The following PTPRE variants were observed in gnomAD, a reference collection of about 807,000 sequenced individuals.
PTPRE encodes protein tyrosine phosphatase receptor type E.
In PTPRE, 51 loss-of-function variants were observed where a neutral mutation model predicts 102.0. The observed-to-expected ratio is 0.50, with a 90% CI of 0.40 to 0.63. PTPRE has a LOEUF of 0.63. Ranked by LOEUF, PTPRE falls within the 30% of genes least tolerant of loss-of-function variation. PTPRE has a pLI of 0.00. For synonymous variants in PTPRE, 345 were observed against 348.2 expected (o/e 0.99, Z 0.10); for missense variants, 752 against 915.1 (o/e 0.82, Z 2.30).
chr10:128,013,051 T>C (rs1845143100), intron 2 of PTPRE, among the ~76,000 whole-genome samples: 1 of 152,196 alleles, frequency 6.6e-6, no homozygotes, highest in Non-Finnish European at 1.5e-5. Flanking sequence ...TGGCATGAAT[T>C]TTCTATTAAA....
intron 12 of PTPRE, chr10:128,069,345 T>C (rs1255028557): frequency 4.9e-6 from 1 of 204,104 alleles, no homozygotes. Flanking sequence ...TGATCTGAGG[T>C]CCCTCTGCTC....
At chr10:128,074,726 T>C (rs1257115475) in intron 17 of PTPRE, among the ~76,000 whole-genome samples, 1 of 152,212 alleles carries the variant, frequency 6.6e-6, no homozygotes, top group Non-Finnish European at 1.5e-5. Flanking sequence ...GACATGCTTT[T>C]TCACTTCCCT....
chr10:127,916,416 A>G (rs1846211849), intron 1 of PTPRE, among the ~76,000 whole-genome samples: 1 of 152,116 alleles, frequency 6.6e-6, no homozygotes, highest in African/African-American at 2.4e-5. Flanking sequence ...TTCCCCTTCC[A>G]CCATGATTGT....
intron 2 of PTPRE, among the ~76,000 whole-genome samples, chr10:128,005,561 G>A (rs937698018): frequency 2.6e-5 from 4 of 152,182 alleles, no homozygotes; most frequent in African/African-American, 9.7e-5. Context: ...TGAAAAAATG[G>A]GTGAGTGATA....
intron 1 of PTPRE, among the ~76,000 whole-genome samples, chr10:127,959,129 C>A (rs543201124): frequency 4.1e-4 from 63 of 152,356 alleles, no homozygotes; most frequent in Non-Finnish European, 7.8e-4. Flanking sequence ...CTCCCAACCT[C>A]AAGTGATCCG....
At chr10:127,980,544 G>A (rs1168385785) in intron 1 of PTPRE, among the ~76,000 whole-genome samples, 8 of 152,190 alleles carry the variant, frequency 5.3e-5, no homozygotes, top group Admixed American at 5.2e-4. Context: ...CCAGGATAAT[G>A]TTAAATAGGA....
rs549000211 is a variant in PTPRE, at chr10:128,024,496, T to C, written c.-7-16379T>C. Among the ~76,000 whole-genome samples the C allele has an allele frequency of 5.9e-5, 9 of 152,322 alleles. 1 individual carries two copies. The South Asian group carries it at 1.9e-3, about 32-fold the overall frequency. On this transcript the variant is annotated intron_variant, in intron 2 of 20. Coordinates refer to ENST00000254667, the MANE Select transcript of PTPRE (RefSeq NM_006504.6). ...TAGACTTAATTCTCACAGGATAAGCTCTTTACTTTTTATTCATTTTCAAGA... is the reference window on the plus strand; with the variant it reads ...TAGACTTAATTCTCACAGGATAAGCCCTTTACTTTTTATTCATTTTCAAGA...
intron 2 of PTPRE, among the ~76,000 whole-genome samples, chr10:127,983,744 T>C (rs866770575): frequency 6.6e-6 from 1 of 152,168 alleles, no homozygotes; most frequent in Non-Finnish European, 1.5e-5. Flanking sequence ...CACTCAGTAC[T>C]GGCCCCTCCG....
chr10:128,061,159 G>A (rs4431936), intron 8 of PTPRE, 144 bp downstream of exon 8: 535,254 of 671,032 alleles, frequency 0.8, 214,864 homozygotes, highest in African/African-American at 0.88. Flanking sequence ...AACTGCCCGT[G>A]CTTTACACAC....
rs747321953 is a variant in PTPRE at position 128,047,423 on chromosome 10, T to G, written c.143T>G (p.Leu48Arg). The change falls in exon 4 of 21, where the codon CTG becomes CGG. Residue 48 changes from leucine to arginine, a missense_variant. Physicochemically the swap from Leu to Arg is moderately radical, Grantham distance 102. Transcript: ENST00000254667. ...PPDPGASQPL[L>R]AWLLLPLLLL... is the part of the protein sequence containing the mutation. ...GACCCGGGCGCCTCCCAGCCGCTGC[T>G]GGCCTGGCTGCTACTGCCGCTGCTG... is the stretch of plus-strand genomic sequence containing the variant. 1.9e-6 allele frequency: 3 copies of G among 1,613,224 alleles called. No individual in the cohort carries two copies. Among genetic ancestry groups the G allele is most frequent in the Middle Eastern group, 1.7e-4 (1 of 5,748 alleles).
intron 1 of PTPRE, among the ~76,000 whole-genome samples, chr10:127,932,782 C>T (rs1378879601): frequency 2.0e-5 from 3 of 146,996 alleles, no homozygotes; most frequent in African/African-American, 5.1e-5. Context: ...TCTCACTTGA[C>T]GAAGTTGACG....
At chr10:127,959,213 T>C (rs1849623168) in intron 1 of PTPRE, among the ~76,000 whole-genome samples, 1 of 152,240 alleles carries the variant, frequency 6.6e-6, no homozygotes, top group Non-Finnish European at 1.5e-5. Context: ...CCTATTTTCT[T>C]TTTTTAAACA....
rs747594108 is a variant in PTPRE at position 128,073,445 on chromosome 10, C to G, written c.1573C>G (p.Leu525Val). Residue 525 changes from leucine (L) to valine (V), a missense_variant, in exon 17 of 21, where the codon CTG becomes GTG. Leu to Val is a conservative substitution (Grantham distance 32). Around this residue, in one of 2 missense-constraint regions of PTPRE, gnomAD observed 636 missense variants for 824.4 expected, o/e 0.77. Coordinates refer to ENST00000254667, the MANE Select transcript of PTPRE (RefSeq NM_006504.6). ...WEWKSHTIVM[L>V]TEVQEREQDK... ...ATGGAAATCCCACACTATCGTGATGCTGACGGAGGTGCAGGAGAGAGAGCA... is the reference window on the plus strand; with the variant it reads ...ATGGAAATCCCACACTATCGTGATGGTGACGGAGGTGCAGGAGAGAGAGCA... 1.9e-6 allele frequency: 3 copies of G among 1,614,148 alleles called. No individual in the cohort carries two copies. Among genetic ancestry groups the G allele is most frequent in the Middle Eastern group, 1.7e-4 (1 of 6,052 alleles).
At chr10:127,954,895 C>T (rs1048781439) in intron 1 of PTPRE, among the ~76,000 whole-genome samples, 51 of 151,738 alleles carry the variant, frequency 3.4e-4, no homozygotes, top group African/African-American at 1.0e-3. Context: ...GTCTTAGTTC[C>T]AGAGTGAGGA....
At chr10:127,925,646 G>A (rs973608873) in intron 1 of PTPRE, among the ~76,000 whole-genome samples, 2 of 152,190 alleles carry the variant, frequency 1.3e-5, no homozygotes, top group African/African-American at 2.4e-5. Flanking sequence ...CGGCCACTGA[G>A]CCTGCTAGGC....
chr10:127,948,759 A>G (rs904011527), intron 1 of PTPRE, among the ~76,000 whole-genome samples: 1 of 152,196 alleles, frequency 6.6e-6, no homozygotes, highest in African/African-American at 2.4e-5. Flanking sequence ...AGTCACCTAC[A>G]TTGTGATGGT....
At chr10:127,930,160 C>T (rs145417025) in intron 1 of PTPRE, among the ~76,000 whole-genome samples, 10 of 151,610 alleles carry the variant, frequency 6.6e-5, no homozygotes, top group Non-Finnish European at 1.3e-4. Flanking sequence ...CTCATTTTGG[C>T]GTACAGCTCC....
chr10:128,003,942 C>A (rs904373323), intron 2 of PTPRE, among the ~76,000 whole-genome samples: 1 of 151,810 alleles, frequency 6.6e-6, no homozygotes, highest in Non-Finnish European at 1.5e-5. Flanking sequence ...CCCACCCCAG[C>A]GCGTCTGCCA....
At chr10:128,048,808 T>A (rs1848312202) in intron 5 of PTPRE, among the ~76,000 whole-genome samples, 1 of 152,144 alleles carries the variant, frequency 6.6e-6, no homozygotes, top group African/African-American at 2.4e-5. Flanking sequence ...TTGGCTGGGC[T>A]TCAGAATGGC....
Sources: gnomAD v4.1 joint callset for allele counts (sites outside exome capture counted in the v4.1 genomes callset) on GRCh38, gnomAD v4.1.1 for gene constraint, gnomAD v4.1.1 regional missense constraint, MANE v1.5 for transcripts, NCBI Gene and HGNC (gene_info 2026-07-23, HGNC 2026-07-21) for gene names.